Variants in CLEC5A observed in about 807,000 individuals in gnomAD.
CLEC5A encodes C-type lectin domain family 5 member A.
A neutral mutation model predicts 24.4 loss-of-function variants in CLEC5A; 15 were observed. That is an observed-to-expected ratio of 0.62 (90% confidence interval 0.41 to 0.95). The LOEUF (loss-of-function observed/expected upper bound fraction) is 0.95, where lower values mean the gene tolerates loss of function less well. CLEC5A is among the 40% of genes least tolerant of loss of function. The probability of loss-of-function intolerance (pLI) is 0.00; values close to 1 mark genes in which losing one functional copy is unlikely to be tolerated. For missense variants in CLEC5A, 211 were observed against 224.0 expected (o/e 0.94, Z 0.37); for synonymous variants, 71 against 72.6 (o/e 0.98, Z 0.11).
In CLEC5A at chr7:141,928,419, T is replaced by C. The variant is rs1802360992; in HGVS notation, c.*1685A>G. The C allele has an allele frequency of 6.6e-6, 1 of 152,386 alleles. No individual in the cohort carries two copies. The highest frequency in any genetic ancestry group is 1.5e-5 in the Non-Finnish European group (1 of 68,048). The allele number at this position is 152,386 out of a possible 1,614,324, so 9.4% of individuals were successfully genotyped here. On this transcript the variant is annotated 3_prime_UTR_variant, in exon 7 of 7. Transcript: ENST00000546910. ...GTTGTCTGAGTTCTGGGGCTTGCCT[T>C]TGGCTAGAGTTCTGTTGATATTTTT...
At chr7:141,934,605 T>G (rs1445174610) in intron 5 of CLEC5A, among the ~76,000 whole-genome samples, 2 of 150,410 alleles carry the variant, frequency 1.3e-5, no homozygotes, top group African/African-American at 4.9e-5. Context: ...TTTGTCTTTT[T>G]CTTTAACGTT....
At chr7:141,930,643 T>C (rs1460402246) in intron 6 of CLEC5A, among the ~76,000 whole-genome samples, 1 of 152,202 alleles carries the variant, frequency 6.6e-6, no homozygotes, top group Non-Finnish European at 1.5e-5. Context: ...CAGACCATAG[T>C]GGCCTCAGAA....
At chr7:141,931,082 G>A (rs73740209) in intron 6 of CLEC5A, among the ~76,000 whole-genome samples, 2,881 of 152,270 alleles carry the variant, frequency 0.019, 87 homozygotes, top group African/African-American at 0.066. Context: ...ACAGGAGACA[G>A]CTCTTGGGGG....
intron 6 of CLEC5A, 25 bp from the exon 7 acceptor site, chr7:141,930,243 A>G (rs1563072658): frequency 1.3e-6 from 2 of 1,556,854 alleles, no homozygotes; most frequent in East Asian, 2.2e-5. Context: ...AAAACAAAAC[A>G]AAACAAACAA....
At chr7:141,937,604 T>A (rs1474690555) in intron 4 of CLEC5A, among the ~76,000 whole-genome samples, 1 of 152,222 alleles carries the variant, frequency 6.6e-6, no homozygotes, top group Non-Finnish European at 1.5e-5. Context: ...TGGAACTCAC[T>A]GCCCTGAAGG....
rs1187360055 is a variant in CLEC5A, at chr7:141,928,852, C to A, written c.*1252G>T. ...TTCCATCAGTTTTATACATGGTCTT[C>A]CTTATGGTTTAATTATTCTTACTCA... On this transcript the variant is annotated 3_prime_UTR_variant, in exon 7 of 7. Transcript: ENST00000546910. The A allele has an allele frequency of 1.2e-4, 18 of 152,106 alleles. No homozygotes were observed. The highest frequency in any genetic ancestry group is 1.2e-3 in the Admixed American group (18 of 15,264). The allele number at this position is 152,106 out of a possible 1,614,324, so 9.4% of individuals were successfully genotyped here.
Position 141,930,218 on chromosome 7 carries a change from A to G in CLEC5A, c.453T>C (p.Asn151=), listed in dbSNP as rs1554440146. The G allele has an allele frequency of 1.9e-6, 3 of 1,606,074 alleles. No individual in the cohort carries two copies. The highest frequency in any genetic ancestry group is 2.2e-5 in the East Asian group (1 of 44,822). Residue 151 remains asparagine, a splice_region_variant and synonymous_variant, in exon 7 of 7, where the codon AAT becomes AAC. Coordinates refer to ENST00000546910, the MANE Select transcript of CLEC5A (RefSeq NM_013252.3). ...TGAAATTCTGATTCTGATTGGTAACACTAAATGAGAAAACAAAACAAAACA... is the reference window on the plus strand; with the variant it reads ...TGAAATTCTGATTCTGATTGGTAACGCTAAATGAGAAAACAAAACAAAACA... ...RWINNSVFNG[N]VTNQNQNFNC...
intron 5 of CLEC5A, among the ~76,000 whole-genome samples, chr7:141,933,161 G>A (rs1802513249): frequency 6.6e-6 from 1 of 152,164 alleles, no homozygotes; most frequent in Non-Finnish European, 1.5e-5. Flanking sequence ...TATCTCAGGT[G>A]TAGTACTAGG....
intron 6 of CLEC5A, among the ~76,000 whole-genome samples, 153 bp from the exon 7 acceptor site, chr7:141,930,371 G>A (rs1260489805): frequency 6.6e-6 from 1 of 152,164 alleles, no homozygotes; most frequent in African/African-American, 2.4e-5. Flanking sequence ...GCCCACACAC[G>A]TCTCCATCTG....
chr7:141,939,992 G>T (rs1213075210), intron 4 of CLEC5A, among the ~76,000 whole-genome samples: 2 of 152,150 alleles, frequency 1.3e-5, no homozygotes, highest in African/African-American at 4.8e-5. Context: ...AATAGCTGGA[G>T]AGTTTAACAC....
At chr7:141,946,388 C>A in intron 1 of CLEC5A, 76 bp from the exon 2 acceptor site, 1 of 1,332,070 alleles carries the variant, frequency 7.5e-7, no homozygotes, top group South Asian at 1.3e-5. Flanking sequence ...CCCAGCCTCT[C>A]GCTCAGAGTA....
chr7:141,936,786 G>A (rs1802643474), intron 4 of CLEC5A, among the ~76,000 whole-genome samples: 2 of 152,018 alleles, frequency 1.3e-5, no homozygotes, highest in Non-Finnish European at 2.9e-5. Flanking sequence ...AGCTCCAAAA[G>A]AGACCCTTTC....
chr7:141,935,102 G>C lies in CLEC5A; in HGVS notation c.345+712C>G, dbSNP rs80238067. 4.3e-3 allele frequency among the ~76,000 whole-genome samples: 660 copies of C among 152,278 alleles called. 6 individuals carry two copies. The highest frequency in any genetic ancestry group is 0.015 in the African/African-American group (635 of 41,548). On this transcript the variant is annotated intron_variant, in intron 5 of 6. Coordinates refer to ENST00000546910, the MANE Select transcript of CLEC5A (RefSeq NM_013252.3). Reference sequence around the variant, plus strand: ...TATTACCAAGATTCAGAAAGGAGAAGTTCTTACAAATTCTTCTAAATCACA... The same window carrying C: ...TATTACCAAGATTCAGAAAGGAGAACTTCTTACAAATTCTTCTAAATCACA...
chr7:141,934,442 G>A (rs1554440802), intron 5 of CLEC5A, among the ~76,000 whole-genome samples: 3 of 152,080 alleles, frequency 2.0e-5, no homozygotes, highest in Middle Eastern at 3.4e-3. Context: ...AGGAAGAGTG[G>A]GGGGGTCAAA....
At position 141,931,582 on chromosome 7, in the gene CLEC5A, A is replaced by T. The variant is rs556244080; in HGVS notation, c.452+138T>A. On this transcript the variant is annotated intron_variant, in intron 6 of 6. Transcript: ENST00000546910. ...TATTAAAATGTGTCTCAGGGAATAG[A>T]TGGGTTGGAAGAAAGGAGAAGAGCA... 4.8e-5 allele frequency: 28 copies of T among 583,396 alleles called. No individual in the cohort carries two copies. The South Asian group carries it at 6.2e-4, about 13-fold the overall frequency. The allele number at this position is 583,396 out of a possible 1,614,324, so 36.1% of individuals were successfully genotyped here. A position where few individuals can be genotyped will look rare whatever the true frequency, so the allele number is the denominator to read the frequency against.
At position 141,935,823 on chromosome 7, in the gene CLEC5A, T is replaced by C; in HGVS notation, c.336A>G (p.Pro112=). 6.2e-7 allele frequency: 1 copy of C among 1,614,082 alleles called. No homozygotes were observed. Among genetic ancestry groups the C allele is most frequent in the East Asian group, 2.2e-5 (1 of 44,880 alleles). ...ATTCCAGTGTTCTCACCAGTTTCTC[T>C]GGCGTGTTGACAATTGCCAATGTGG... ...KGSTLAIVNT[P]EKLKFLQDIT... Residue 112 remains proline (P), a synonymous_variant, in exon 5 of 7, where the codon CCA becomes CCG. Coordinates refer to ENST00000546910, the MANE Select transcript of CLEC5A (RefSeq NM_013252.3).
chr7:141,936,004 C>A (rs1022990512), intron 4 of CLEC5A, 54 bp from the exon 5 acceptor site: 27 of 1,457,654 alleles, frequency 1.9e-5, no homozygotes, highest in Non-Finnish European at 2.5e-5. Context: ...GTTATGAATC[C>A]TGCAACTAAG....
intron 5 of CLEC5A, among the ~76,000 whole-genome samples, chr7:141,934,365 G>T (rs1446925178): frequency 2.6e-5 from 4 of 152,132 alleles, no homozygotes; most frequent in African/African-American, 9.7e-5. Flanking sequence ...AGAAGGTAAA[G>T]TCCCAGAAAA....
chr7:141,930,239 A>C, intron 6 of CLEC5A, 21 bp from the exon 7 acceptor site: 1 of 1,559,924 alleles, frequency 6.4e-7, no homozygotes, highest in East Asian at 2.2e-5. Context: ...AAACAAAACA[A>C]AACAAAACAA....
Sources: gnomAD v4.1 joint callset for allele counts (sites outside exome capture counted in the v4.1 genomes callset) on GRCh38, gnomAD v4.1.1 for gene constraint, MANE v1.5 for transcripts, NCBI Gene and HGNC (gene_info 2026-07-23, HGNC 2026-07-21) for gene names.